UTRN: variants seen among roughly 807,000 people sequenced by gnomAD.
The protein encoded by UTRN is dystrophin-related protein 1.
Under a neutral mutation model 463.9 loss-of-function variants are expected in UTRN, and 283 were observed. The ratio of observed to expected loss-of-function variants is 0.61; its 90% CI spans 0.55 to 0.67. The LOEUF is 0.67. Among genes scored for constraint, UTRN ranks in the 30% least tolerant of loss-of-function variants. UTRN has a pLI of 0.00. For missense variants in UTRN, 3,922 were observed against 4,084.3 expected (o/e 0.96, Z 1.08); for synonymous variants, 1,442 against 1,431.5 (o/e 1.01, Z -0.17).
intron 51 of UTRN, among the ~76,000 whole-genome samples, chr6:144,630,029 CAA>C (rs34039801): frequency 7.3e-5 from 11 of 150,984 alleles, no homozygotes; most frequent in African/African-American, 2.2e-4. Context: ...ACTAAAAATA[CAA>C]AAAAAAATTA....
intron 60 of UTRN, among the ~76,000 whole-genome samples, chr6:144,780,478 C>G (rs1775726451): frequency 6.6e-6 from 1 of 151,938 alleles, no homozygotes; most frequent in Non-Finnish European, 1.5e-5. Flanking sequence ...AAACTGATGT[C>G]TATGAGCAGA....
chr6:144,675,210 A>G (rs1189239935), intron 51 of UTRN, among the ~76,000 whole-genome samples: 2 of 152,078 alleles, frequency 1.3e-5, no homozygotes, highest in African/African-American at 4.8e-5. Context: ...ACCAGACTGC[A>G]GTGATGGTTG....
chr6:144,784,841 T>C (rs1776166035), intron 61 of UTRN, among the ~76,000 whole-genome samples: 1 of 152,208 alleles, frequency 6.6e-6, no homozygotes, highest in South Asian at 2.1e-4. Flanking sequence ...TCATTTTTCA[T>C]TTTAAAGGAA....
intron 54 of UTRN, among the ~76,000 whole-genome samples, chr6:144,739,516 G>T (rs894689776): frequency 6.6e-6 from 1 of 152,116 alleles, no homozygotes; most frequent in African/African-American, 2.4e-5. Flanking sequence ...CAGGGCTTTT[G>T]TTTTCCTCAC....
intron 50 of UTRN, among the ~76,000 whole-genome samples, chr6:144,562,700 A>G (rs1585290740): frequency 6.6e-6 from 1 of 152,198 alleles, no homozygotes; most frequent in African/African-American, 2.4e-5. Flanking sequence ...AATGATTTAT[A>G]TTCCTGTGGG....
intron 61 of UTRN, among the ~76,000 whole-genome samples, chr6:144,788,672 C>A (rs577791575): frequency 1.7e-4 from 25 of 150,790 alleles, no homozygotes; most frequent in Middle Eastern, 3.5e-3. Context: ...TCAAGTGATT[C>A]TCCTGCCTCA....
At chr6:144,306,180 G>A (rs1017413711) in intron 2 of UTRN, among the ~76,000 whole-genome samples, 4 of 152,110 alleles carry the variant, frequency 2.6e-5, no homozygotes, top group Non-Finnish European at 5.9e-5. Flanking sequence ...TCTCACTCCT[G>A]GTTTGGGAAG....
intron 52 of UTRN, among the ~76,000 whole-genome samples, chr6:144,686,153 T>C (rs1316027287): frequency 6.6e-6 from 1 of 152,156 alleles, no homozygotes; most frequent in Non-Finnish European, 1.5e-5. Flanking sequence ...TTGAATAGCA[T>C]GTCCTTTTTC....
At chr6:144,501,747 A>T (rs1794203349) in intron 34 of UTRN, among the ~76,000 whole-genome samples, 1 of 152,204 alleles carries the variant, frequency 6.6e-6, no homozygotes, top group South Asian at 2.1e-4. Flanking sequence ...TTTCCTGAGG[A>T]TAAATTCTTA....
At chr6:144,833,665 G>A (rs941514714) in intron 69 of UTRN, among the ~76,000 whole-genome samples, 1 of 152,126 alleles carries the variant, frequency 6.6e-6, no homozygotes, top group Non-Finnish European at 1.5e-5. Flanking sequence ...ATATGTTAGA[G>A]CTGCTCTTTT....
chr6:144,824,572 TTATATATATATATATATA>T (rs71028314), intron 66 of UTRN, among the ~76,000 whole-genome samples: 679 of 37,920 alleles, frequency 0.018, 32 homozygotes, highest in African/African-American at 0.047. Flanking sequence ...AGCATTTTAT[TTATATATATATATATATA>T]TATATATATA....
chr6:144,337,391 C>T (rs780297420), intron 2 of UTRN, among the ~76,000 whole-genome samples: 1 of 152,182 alleles, frequency 6.6e-6, no homozygotes, highest in South Asian at 2.1e-4. Flanking sequence ...CCCTTTTAAT[C>T]TCACTACTTG....
intron 34 of UTRN, among the ~76,000 whole-genome samples, chr6:144,506,234 T>C (rs2128587885): frequency 6.6e-6 from 1 of 152,316 alleles, no homozygotes; most frequent in South Asian, 2.1e-4. Context: ...TCTGTGTCTT[T>C]TAATTGGAGC....
intron 54 of UTRN, among the ~76,000 whole-genome samples, chr6:144,738,110 C>T: frequency 6.6e-6 from 1 of 152,172 alleles, no homozygotes. Flanking sequence ...CTTCCTTAAC[C>T]TCTGGATTTT....
intron 53 of UTRN, among the ~76,000 whole-genome samples, chr6:144,729,035 A>G (rs1412675045): frequency 6.6e-6 from 1 of 152,102 alleles, no homozygotes; most frequent in African/African-American, 2.4e-5. Context: ...TATCAGTAAT[A>G]GTGGTTTCTA....
chr6:144,430,227 A>T (rs1404593504), intron 9 of UTRN, among the ~76,000 whole-genome samples: 1 of 152,190 alleles, frequency 6.6e-6, no homozygotes, highest in African/African-American at 2.4e-5. Flanking sequence ...AATGTATGGT[A>T]AACTACTTGG....
intron 3 of UTRN, among the ~76,000 whole-genome samples, chr6:144,412,762 TACACACACACACAC>T (rs149751810): frequency 6.9e-6 from 1 of 144,272 alleles, no homozygotes; most frequent in Non-Finnish European, 1.5e-5. Context: ...ACACACACCA[TACACACACACACAC>T]ACACACACAC....
chr6:144,613,691 T>C (rs1280490432), intron 51 of UTRN, among the ~76,000 whole-genome samples: 1 of 152,084 alleles, frequency 6.6e-6, no homozygotes, highest in East Asian at 1.9e-4. Flanking sequence ...ATTGTGGTGG[T>C]GGTCCCGCTA....
chr6:144,606,726 C>T (rs1032249357), intron 51 of UTRN, among the ~76,000 whole-genome samples: 4 of 152,186 alleles, frequency 2.6e-5, no homozygotes, highest in Non-Finnish European at 4.4e-5. Context: ...TCTCCATAAC[C>T]TGCAACACAC....
Sources: allele counts gnomAD v4.1 joint callset (sites outside exome capture counted in the v4.1 genomes callset), GRCh38; gene constraint gnomAD v4.1.1; transcripts MANE v1.5; gene names NCBI Gene and HGNC (gene_info 2026-07-23, HGNC 2026-07-21).